QSOX2: variants seen among roughly 807,000 people sequenced by gnomAD.
QSOX2 encodes the protein sulfhydryl oxidase 2.
A neutral mutation model predicts 61.7 loss-of-function variants in QSOX2; 46 were observed. The observed-to-expected ratio is 0.75, with a 90% CI of 0.59 to 0.95. The LOEUF (loss-of-function observed/expected upper bound fraction) is 0.95. QSOX2 is among the 40% of genes least tolerant of loss of function. QSOX2 has a pLI of 0.00. For missense variants in QSOX2, 879 were observed against 918.9 expected, an observed-to-expected ratio of 0.96 and a Z score of 0.56; for synonymous variants, 383 against 388.4, an observed-to-expected ratio of 0.99 and a Z score of 0.16.
At chr9:136,237,879 C>CACTGGG (rs1215133477) in intron 1 of QSOX2, among the ~76,000 whole-genome samples, 5 of 152,260 alleles carry the variant, frequency 3.3e-5, no homozygotes, top group African/African-American at 9.6e-5. Context: ...AACATTCTTC[C>CACTGGG]ACTGGGACTG....
At position 136,215,192 on chromosome 9, in the gene QSOX2, ACAGT is replaced by A. The variant is rs1406975143; in HGVS notation, c.1318_1321del (p.Thr440LeufsTer26). The A allele has an allele frequency of 1.2e-6, 2 of 1,613,986 alleles. No individual in the cohort carries two copies. Among genetic ancestry groups the A allele is most frequent in the African/African-American group, 1.3e-5 (1 of 74,944 alleles). ...TGCATCTGGGTGGGTCGAGGCTTCA[ACAGT>A]CAAAGTGTGGAACAGTTTCCAGAGA... On this transcript the variant is annotated frameshift_variant, in exon 10 of 12. Coordinates refer to ENST00000358701, the MANE Select transcript of QSOX2 (RefSeq NM_181701.4). LOFTEE classifies it high-confidence loss of function.
intron 9 of QSOX2, 141 bp downstream of exon 9, chr9:136,216,459 G>T: frequency 1.7e-6 from 2 of 1,162,938 alleles, no homozygotes; most frequent in Non-Finnish European, 2.4e-6. Context: ...CCATGATGCT[G>T]TCGTGGAGAC....
In QSOX2 at chr9:136,209,348, G is replaced by A. The variant is rs959806359; in HGVS notation, c.1550-73C>T. 1.3e-5 allele frequency: 20 copies of A among 1,552,638 alleles called. No individual in the cohort carries two copies. Among genetic ancestry groups the A allele is most frequent in the South Asian group, 3.7e-5 (3 of 80,736 alleles). On this transcript the variant is annotated intron_variant, in intron 11 of 11. Coordinates refer to ENST00000358701, the MANE Select transcript of QSOX2 (RefSeq NM_181701.4). The surrounding 1 kb of genome is among the most constrained non-coding windows in gnomAD (Gnocchi z 5.6). Reference sequence around the variant, plus strand: ...CAGCCACGTGCAGCGTGCGGCAACCGGACTCCCACTCCCACCCACCACGGG... The same window carrying A: ...CAGCCACGTGCAGCGTGCGGCAACCAGACTCCCACTCCCACCCACCACGGG...
chr9:136,207,364 T>TACAC lies in QSOX2; in HGVS notation c.*1360_*1363dup, dbSNP rs58474709. 0.051 allele frequency: 7,402 copies of TACAC among 145,052 alleles called. 333 individuals carry two copies. Among genetic ancestry groups the TACAC allele is most frequent in the African/African-American group, 0.12 (4,545 of 38,500 alleles). 9.0% of individuals were successfully genotyped at this position (145,052 alleles called of 1,614,324 possible). ...ACCGTCAAAGTCTCTCTCTCTCTCA[T>TACAC]ACACACACACACACACACACACACA... On this transcript the variant is annotated 3_prime_UTR_variant, in exon 12 of 12. Coordinates refer to ENST00000358701, the MANE Select transcript of QSOX2 (RefSeq NM_181701.4).
rs1362941856 is a variant in QSOX2, at chr9:136,222,642, G to T, written c.676-701C>A. Among the ~76,000 whole-genome samples, 1 of 152,150 alleles carries T rather than the reference G, an allele frequency of 6.6e-6. No individual in the cohort carries two copies. Among genetic ancestry groups the T allele is most frequent in the Non-Finnish European group, 1.5e-5 (1 of 68,020 alleles). ...TGATCGCTACTCTGGGGCCACACTG[G>T]TCTCTGCTCTGGGCCATGCCGTGAC... is the stretch of plus-strand genomic sequence containing the variant. On this transcript the variant is annotated intron_variant, in intron 5 of 11. Transcript: ENST00000358701. The surrounding 1 kb of genome is among the most constrained non-coding windows in gnomAD (Gnocchi z 6.9).
rs139689868 is a variant in QSOX2, at chr9:136,208,493, T to C, written c.*235A>G. The stretch of plus-strand genomic sequence containing the variant: ...TGCTGTAAGACCTGCAAAAGGAGCA[T>C]GAACAGACTTGAGTACGCCAGGAAT... On this transcript the variant is annotated 3_prime_UTR_variant, in exon 12 of 12. Coordinates refer to ENST00000358701, the MANE Select transcript of QSOX2 (RefSeq NM_181701.4). 4.2e-4 allele frequency: 215 copies of C among 517,986 alleles called. No individual in the cohort carries two copies. Among genetic ancestry groups the C allele is most frequent in the African/African-American group, 3.5e-3 (183 of 52,370 alleles). 32.1% of individuals were successfully genotyped at this position (517,986 alleles called of 1,614,324 possible).
chr9:136,220,223 T>C (rs1588635174), intron 6 of QSOX2, among the ~76,000 whole-genome samples: 1 of 151,996 alleles, frequency 6.6e-6, no homozygotes, highest in African/African-American at 2.4e-5. Flanking sequence ...TAGGCTGGAG[T>C]CTCACTATCA....
Position 136,218,786 on chromosome 9 carries a change from G to A in QSOX2, c.979C>T (p.Leu327=), listed in dbSNP as rs867980366. 3.7e-6 allele frequency: 6 copies of A among 1,613,530 alleles called. No homozygotes were observed. Among genetic ancestry groups the A allele is most frequent in the Non-Finnish European group, 4.2e-6 (5 of 1,180,012 alleles). Residue 327 remains leucine (L), a synonymous_variant, in exon 8 of 12, where the codon CTG becomes TTG. Transcript: ENST00000358701. The stretch of plus-strand genomic sequence containing the variant: ...AGGAGGTAGTGTAGCCCTGACTCCA[G>A]GTCCACCGTGTACAGCTTCGACCTA... ...FDKSKLYTVD[L]ESGLHYLLRV...
At chr9:136,237,507 C>A (rs1423725844) in intron 1 of QSOX2, among the ~76,000 whole-genome samples, 1 of 118,024 alleles carries the variant, frequency 8.5e-6, no homozygotes, top group Non-Finnish European at 1.8e-5. Flanking sequence ...ACACCTGGAG[C>A]CCGTCCTGTG....
At chr9:136,231,176 G>T (rs371694101) in intron 1 of QSOX2, among the ~76,000 whole-genome samples, 1 of 152,184 alleles carries the variant, frequency 6.6e-6, no homozygotes, top group Non-Finnish European at 1.5e-5. Context: ...CACAGAGGCC[G>T]AGGAAGGCTC....
At chr9:136,225,232 A>G (rs568311987) in intron 2 of QSOX2, among the ~76,000 whole-genome samples, 4 of 152,224 alleles carry the variant, frequency 2.6e-5, no homozygotes, top group Admixed American at 2.6e-4. Context: ...TAGTGAGCCT[A>G]TGTCTTAATG....
In QSOX2 at chr9:136,209,482, G is replaced by C; in HGVS notation, c.1550-207C>G. ...ACATCCTGCTTCTGCAGGCCCCTGC[G>C]CACGTGTTCCCCTCTGCCGGTTCCC... On this transcript the variant is annotated intron_variant, in intron 11 of 11. Transcript: ENST00000358701. The surrounding 1 kb of genome is among the most constrained non-coding windows in gnomAD (Gnocchi z 5.6). The C allele has an allele frequency of 1.0e-6, 1 of 985,356 alleles. No individual in the cohort carries two copies. Among genetic ancestry groups the C allele is most frequent in the Non-Finnish European group, 1.2e-6 (1 of 829,916 alleles). The allele number at this position is 985,356 out of a possible 1,614,324, so 61.0% of individuals were successfully genotyped here. A position where few individuals can be genotyped will look rare whatever the true frequency, so the allele number is the denominator to read the frequency against.
chr9:136,211,105 G>A (rs939151377), intron 11 of QSOX2, among the ~76,000 whole-genome samples, 159 bp downstream of exon 11: 1 of 152,232 alleles, frequency 6.6e-6, no homozygotes, highest in African/African-American at 2.4e-5. Flanking sequence ...AGCTCTGGCA[G>A]CTCTCAGCCA....
Position 136,215,213 on chromosome 9 carries a change from T to G in QSOX2, c.1301A>C (p.Lys434Thr), listed in dbSNP as rs1831894393. The G allele has an allele frequency of 6.2e-7, 1 of 1,613,950 alleles. No individual in the cohort carries two copies. The highest frequency in any genetic ancestry group is 1.3e-5 in the African/African-American group (1 of 74,920). ...TTCAACAGTCAAAGTGTGGAACAGT[T>G]TCCAGAGAGAACACGGGTAACCCCT... ...ELRGYPCSLW[K>T]LFHTLTVEAS... is the part of the protein sequence containing the mutation. The change falls in exon 10 of 12, where the codon AAA becomes ACA. Residue 434 changes from lysine (K) to threonine (T), a missense_variant. Physicochemically the swap from Lys to Thr is moderately conservative, Grantham distance 78. Coordinates refer to ENST00000358701, the MANE Select transcript of QSOX2 (RefSeq NM_181701.4).
intron 1 of QSOX2, among the ~76,000 whole-genome samples, chr9:136,240,346 ATG>A (rs1830424501): frequency 6.6e-6 from 1 of 152,238 alleles, no homozygotes; most frequent in African/African-American, 2.4e-5. Flanking sequence ...TCACGTTCTA[ATG>A]AAAAAGTCTA....
chr9:136,228,748 C>T (rs563384793), intron 1 of QSOX2, among the ~76,000 whole-genome samples: 7 of 152,326 alleles, frequency 4.6e-5, no homozygotes, highest in East Asian at 1.9e-4. Flanking sequence ...GCCTTGTGAC[C>T]GGAAGCCCAG....
At chr9:136,238,313 C>T (rs983985391) in intron 1 of QSOX2, among the ~76,000 whole-genome samples, 14 of 152,216 alleles carry the variant, frequency 9.2e-5, no homozygotes, top group African/African-American at 3.1e-4. Context: ...CACGCTGCTC[C>T]GCATCTCAGG....
In QSOX2 at chr9:136,216,581, C is replaced by T. The variant is rs376650094; in HGVS notation, c.1209+19G>A. 6.5e-5 allele frequency: 105 copies of T among 1,612,406 alleles called. No individual in the cohort carries two copies. The highest frequency in any genetic ancestry group is 8.5e-5 in the Non-Finnish European group (100 of 1,179,112). ...GGGAAGGAGGGTGCAGCGTGGCTGG[C>T]GAGGGTTCTGGGGCTCACCCGCATC... is the stretch of plus-strand genomic sequence containing the variant. On this transcript the variant is annotated intron_variant, in intron 9 of 11. Coordinates refer to ENST00000358701, the MANE Select transcript of QSOX2 (RefSeq NM_181701.4).
chr9:136,210,244 G>C (rs1564288730), intron 11 of QSOX2: 1 of 985,388 alleles, frequency 1.0e-6, no homozygotes, highest in South Asian at 4.7e-5. Context: ...GCACATCTCC[G>C]AGGGGCCTCC....
Sources: gnomAD v4.1 joint callset for allele counts (sites outside exome capture counted in the v4.1 genomes callset) on GRCh38, gnomAD v4.1.1 for gene constraint, Gnocchi (gnomAD v3.1) non-coding constraint, MANE v1.5 for transcripts, NCBI Gene and HGNC (gene_info 2026-07-23, HGNC 2026-07-21) for gene names.